Variants in GASK1B observed in about 807,000 individuals in gnomAD.
GASK1B encodes Golgi-associated kinase 1B.
GASK1B carries 34 observed loss-of-function variants against 42.8 expected under a neutral mutation model. The observed-to-expected ratio is 0.79, with a 90% CI of 0.60 to 1.06. The LOEUF is 1.06. GASK1B is among the 50% of genes least tolerant of loss of function. The pLI is 0.00. For missense variants in GASK1B, 686 were observed against 661.0 expected, an observed-to-expected ratio of 1.04 and a Z score of -0.42; for synonymous variants, 262 against 259.1, an observed-to-expected ratio of 1.01 and a Z score of -0.11.
intron 3 of GASK1B, among the ~76,000 whole-genome samples, chr4:158,134,810 G>A (rs1329991798): frequency 1.3e-5 from 2 of 152,018 alleles, no homozygotes; most frequent in Non-Finnish European, 2.9e-5. Context: ...TATGCTTGCA[G>A]CACCTACACA....
chr4:158,165,818 T>C (rs1410782342), intron 2 of GASK1B, among the ~76,000 whole-genome samples: 1 of 152,148 alleles, frequency 6.6e-6, no homozygotes, highest in African/African-American at 2.4e-5. Flanking sequence ...AGGGCACATT[T>C]TATAAGCTCA....
At chr4:158,168,545 T>C (rs1327691721) in intron 2 of GASK1B, 2 of 152,176 alleles carry the variant, frequency 1.3e-5, no homozygotes, top group Non-Finnish European at 2.9e-5. Context: ...CTAAGTGTTT[T>C]CCCTGTATTA....
intron 2 of GASK1B, among the ~76,000 whole-genome samples, chr4:158,159,897 T>G (rs1731906127): frequency 6.6e-6 from 1 of 152,042 alleles, no homozygotes; most frequent in Non-Finnish European, 1.5e-5. Context: ...TGCCCTTCAC[T>G]TTGAGCACTG....
At chr4:158,135,571 C>T (rs1299623566) in intron 3 of GASK1B, among the ~76,000 whole-genome samples, 1 of 151,680 alleles carries the variant, frequency 6.6e-6, no homozygotes, top group East Asian at 1.9e-4. Context: ...TAGTTGACCT[C>T]CCCAAGGCCT....
intron 4 of GASK1B, among the ~76,000 whole-genome samples, chr4:158,128,194 G>A (rs960061525): frequency 6.6e-6 from 1 of 152,092 alleles, no homozygotes; most frequent in African/African-American, 2.4e-5. Context: ...TATACTCCTG[G>A]AGCTCTGAGG....
intron 2 of GASK1B, among the ~76,000 whole-genome samples, chr4:158,156,334 T>C (rs1731759538): frequency 6.6e-6 from 1 of 152,216 alleles, no homozygotes; most frequent in Admixed American, 6.5e-5. Context: ...TTCACACCAA[T>C]CACTATAATC....
chr4:158,133,920 C>CAA, intron 3 of GASK1B, among the ~76,000 whole-genome samples: 1 of 148,098 alleles, frequency 6.8e-6, no homozygotes, highest in South Asian at 2.1e-4. Context: ...TGTGTGTGCG[C>CAA]GTGCACGAAC....
chr4:158,138,680 A>T (rs1731000157), intron 3 of GASK1B, among the ~76,000 whole-genome samples: 1 of 152,036 alleles, frequency 6.6e-6, no homozygotes, highest in Non-Finnish European at 1.5e-5. Flanking sequence ...TGACAAAAAT[A>T]AGTAAAGATA....
At chr4:158,155,547 G>T in intron 3 of GASK1B, 64 bp downstream of exon 3, 1 of 1,326,636 alleles carries the variant, frequency 7.5e-7, no homozygotes. Flanking sequence ...ACATTCCTTA[G>T]TGTCAGGCTA....
At chr4:158,149,821 C>T (rs1430763618) in intron 3 of GASK1B, among the ~76,000 whole-genome samples, 1 of 151,888 alleles carries the variant, frequency 6.6e-6, no homozygotes, top group Non-Finnish European at 1.5e-5. Flanking sequence ...TTTGATGATA[C>T]CTCTGTTTAG....
At chr4:158,168,585 A>G (rs1254121820) in intron 2 of GASK1B, 1 of 152,140 alleles carries the variant, frequency 6.6e-6, no homozygotes, top group Non-Finnish European at 1.5e-5. Context: ...GGTAGGCAGT[A>G]TTGTCATTTT....
At chr4:158,161,923 G>A (rs1402343254) in intron 2 of GASK1B, among the ~76,000 whole-genome samples, 1 of 152,112 alleles carries the variant, frequency 6.6e-6, no homozygotes, top group Non-Finnish European at 1.5e-5. Context: ...GCAAGATAAA[G>A]TCCAGGCTCC....
intron 4 of GASK1B, among the ~76,000 whole-genome samples, chr4:158,128,855 A>G (rs772617114): frequency 1.3e-5 from 2 of 152,248 alleles, no homozygotes; most frequent in Non-Finnish European, 2.9e-5. Flanking sequence ...TAGGGCCTCA[A>G]CTTTAGGGGC....
chr4:158,144,322 ACAT>A (rs1731251043), intron 3 of GASK1B, among the ~76,000 whole-genome samples: 1 of 152,224 alleles, frequency 6.6e-6, no homozygotes, highest in African/African-American at 2.4e-5. Context: ...ATCTTAAGTA[ACAT>A]CATCAATACT....
Position 158,135,311 on chromosome 4 carries a change from A to G in GASK1B, c.1126-4299T>C, listed in dbSNP as rs112076726. Among the ~76,000 whole-genome samples the G allele has an allele frequency of 4.6e-3, 577 of 125,326 alleles. 6 individuals are homozygous for G. Among genetic ancestry groups the G allele is most frequent in the African/African-American group, 0.017 (549 of 31,808 alleles). The allele number at this position is 125,326 out of a possible 152,430, so 82.2% of individuals were successfully genotyped here. A position where few individuals can be genotyped will look rare whatever the true frequency, so the allele number is the denominator to read the frequency against. On this transcript the variant is annotated intron_variant, in intron 3 of 4. Coordinates refer to ENST00000585682, the MANE Select transcript of GASK1B (RefSeq NM_001128424.2). ...ACTCCAGCGTGGGCGACAGGGTGAGACTCCGTCTCAAAAAAAAAAAAAAAA... is the reference window on the plus strand; with the variant it reads ...ACTCCAGCGTGGGCGACAGGGTGAGGCTCCGTCTCAAAAAAAAAAAAAAAA...
At chr4:158,141,292 T>C (rs1246948454) in intron 3 of GASK1B, among the ~76,000 whole-genome samples, 4 of 151,836 alleles carry the variant, frequency 2.6e-5, no homozygotes, top group African/African-American at 9.7e-5. Flanking sequence ...CCAGCACATG[T>C]TATAATGACC....
intron 2 of GASK1B, among the ~76,000 whole-genome samples, chr4:158,158,045 T>C (rs1240988301): frequency 6.6e-6 from 1 of 152,064 alleles, no homozygotes; most frequent in Non-Finnish European, 1.5e-5. Flanking sequence ...TTTTAAGGAG[T>C]ATAACTTATG....
At position 158,155,776 on chromosome 4, in the gene GASK1B, T is replaced by C. The variant is rs781414028; in HGVS notation, c.960A>G (p.Ala320=). 1 of 1,613,826 alleles carries C rather than the reference T, an allele frequency of 6.2e-7. No homozygotes were observed. Among genetic ancestry groups the C allele is most frequent in the Non-Finnish European group, 8.5e-7 (1 of 1,179,782 alleles). Residue 320 remains alanine (A), a synonymous_variant, in exon 3 of 5, where the codon GCA becomes GCG. Coordinates refer to ENST00000585682, the MANE Select transcript of GASK1B (RefSeq NM_001128424.2). The part of the protein sequence containing the change: ...IILWDASLSS[A]SNDTHSSVKL... ...TAACAGAAGAATGGGTGTCATTACT[T>C]GCTGAAGATAAAGATGCATCCCAAA... is the stretch of plus-strand genomic sequence containing the variant.
intron 2 of GASK1B, among the ~76,000 whole-genome samples, chr4:158,164,987 G>T (rs985897031): frequency 6.6e-6 from 1 of 152,190 alleles, no homozygotes; most frequent in African/African-American, 2.4e-5. Context: ...AGTGTGTGGG[G>T]TGCCTGCAGT....
Sources: allele counts gnomAD v4.1 joint callset (sites outside exome capture counted in the v4.1 genomes callset), GRCh38; gene constraint gnomAD v4.1.1; transcripts MANE v1.5; gene names NCBI Gene and HGNC (gene_info 2026-07-23, HGNC 2026-07-21).